The following MTMR7 variants were observed in gnomAD, a reference collection of about 807,000 sequenced individuals.
MTMR7 encodes phosphatidylinositol-3-phosphate phosphatase MTMR7.
In MTMR7, 76 loss-of-function variants were observed where a neutral mutation model predicts 81.2. The ratio of observed to expected loss-of-function variants is 0.94; its 90% CI spans 0.78 to 1.13. MTMR7 has a LOEUF of 1.13. MTMR7 is among the 50% of genes most tolerant of loss of function. The pLI, the probability that MTMR7 is intolerant of heterozygous loss-of-function variation, is 0.00. For synonymous variants in MTMR7, 372 were observed against 289.8 expected (o/e 1.28, Z -2.88); for missense variants, 1,044 against 820.0 (o/e 1.27, Z -3.34).
At chr8:17,363,632 C>T (rs1203558183) in intron 3 of MTMR7, among the ~76,000 whole-genome samples, 1 of 152,046 alleles carries the variant, frequency 6.6e-6, no homozygotes, top group Non-Finnish European at 1.5e-5. Context: ...ATCAACCAAT[C>T]CTTATGCCCA....
intron 9 of MTMR7, among the ~76,000 whole-genome samples, chr8:17,310,187 G>A (rs1817704210): frequency 6.6e-6 from 1 of 151,788 alleles, no homozygotes; most frequent in African/African-American, 2.4e-5. Flanking sequence ...TTTTTATAGA[G>A]ACGAGGTCTC....
At position 17,348,991 on chromosome 8, in the gene MTMR7, G is replaced by A. The variant is rs376531462; in HGVS notation, c.559C>T (p.Arg187Ter). The A allele has an allele frequency of 1.2e-5, 19 of 1,613,352 alleles. No homozygotes were observed. The highest frequency in any genetic ancestry group is 3.3e-5 in the South Asian group (3 of 91,022). ...TAATAGTAAGAAAGGACAGGAAATC[G>A]CCGTCTACTCCGGAATTTGGAACTC... ...VGSSKFRSRR[R>*]FPVLSYYYKD... Residue 187 changes from arginine (R) to a stop codon, truncating the protein, a stop_gained, in exon 5 of 14, where the codon CGA becomes TGA. Transcript: ENST00000180173. LOFTEE classifies it high-confidence loss of function.
At chr8:17,402,675 A>G (rs554157928) in intron 1 of MTMR7, among the ~76,000 whole-genome samples, 1 of 152,244 alleles carries the variant, frequency 6.6e-6, no homozygotes, top group South Asian at 2.1e-4. Flanking sequence ...ATGGCCACTT[A>G]GTTTGCTTCC....
intron 5 of MTMR7, among the ~76,000 whole-genome samples, chr8:17,342,555 C>T: frequency 6.6e-6 from 1 of 152,182 alleles, no homozygotes; most frequent in East Asian, 1.9e-4. Flanking sequence ...CCCAGGACAA[C>T]TGAACATGGG....
intron 9 of MTMR7, among the ~76,000 whole-genome samples, chr8:17,309,943 C>T (rs1200246385): frequency 1.3e-5 from 2 of 152,154 alleles, no homozygotes; most frequent in Non-Finnish European, 1.5e-5. Context: ...AAGTCTGAGG[C>T]AGTCCAGATT....
chr8:17,317,192 A>C (rs1353700475), intron 7 of MTMR7, among the ~76,000 whole-genome samples: 2 of 152,208 alleles, frequency 1.3e-5, no homozygotes, highest in East Asian at 1.9e-4. Context: ...GTTTTCTGCT[A>C]ATTTTTGCCT....
chr8:17,368,497 C>CCCTTAAAGGCATG (rs1356381928), intron 3 of MTMR7, among the ~76,000 whole-genome samples: 1 of 152,204 alleles, frequency 6.6e-6, no homozygotes, highest in Non-Finnish European at 1.5e-5. Flanking sequence ...TATTCTCATG[C>CCCTTAAAGGCATG]CCTTAAAGGC....
At position 17,297,892 on chromosome 8, in the gene MTMR7, T is replaced by A. The variant is rs1436122108; in HGVS notation, c.*1970A>T. 1 of 152,088 alleles carries A rather than the reference T, an allele frequency of 6.6e-6. No individual in the cohort carries two copies. Among genetic ancestry groups the A allele is most frequent in the Admixed American group, 6.6e-5 (1 of 15,264 alleles). 9.4% of individuals were successfully genotyped at this position (152,088 alleles called of 1,614,324 possible). A position where few individuals can be genotyped will look rare whatever the true frequency, so the allele number is the denominator to read the frequency against. ...TGTTACATAAATTATAATGTCTGTCTTGTAAAAAAGTTGAGGGGACTAAAA... is the reference window on the plus strand; with the variant it reads ...TGTTACATAAATTATAATGTCTGTCATGTAAAAAAGTTGAGGGGACTAAAA... On this transcript the variant is annotated 3_prime_UTR_variant, in exon 14 of 14. Transcript: ENST00000180173.
chr8:17,373,684 C>G (rs34371025), intron 1 of MTMR7, among the ~76,000 whole-genome samples: 13,598 of 152,164 alleles, frequency 0.089, 863 homozygotes, highest in Non-Finnish European at 0.14. Context: ...CCTTAAGGCT[C>G]TTTGCTTCCA....
At chr8:17,316,847 T>G (rs553832625) in intron 7 of MTMR7, among the ~76,000 whole-genome samples, 2 of 152,086 alleles carry the variant, frequency 1.3e-5, no homozygotes, top group African/African-American at 2.4e-5. Flanking sequence ...GTGTGTGGAT[T>G]TGAGAATCTA....
chr8:17,340,108 T>C (rs1819361000), intron 6 of MTMR7, among the ~76,000 whole-genome samples: 1 of 152,256 alleles, frequency 6.6e-6, no homozygotes, highest in Non-Finnish European at 1.5e-5. Flanking sequence ...TGCACCATGA[T>C]GCCCAGCTAA....
intron 2 of MTMR7, among the ~76,000 whole-genome samples, chr8:17,371,775 G>T (rs1048047360): frequency 2.0e-5 from 3 of 150,584 alleles, no homozygotes; most frequent in African/African-American, 7.3e-5. Context: ...ATGGGCTACA[G>T]TGTGATGCTG....
chr8:17,376,439 T>C (rs565855753), intron 1 of MTMR7, among the ~76,000 whole-genome samples: 1 of 152,352 alleles, frequency 6.6e-6, no homozygotes, highest in South Asian at 2.1e-4. Flanking sequence ...CTTTCATTTA[T>C]CTTGGCTATA....
intron 7 of MTMR7, among the ~76,000 whole-genome samples, chr8:17,328,999 G>C (rs1818847835): frequency 6.6e-6 from 1 of 152,202 alleles, no homozygotes; most frequent in Admixed American, 6.5e-5. Flanking sequence ...GAAATACCTT[G>C]CAGCTCTTGC....
chr8:17,317,696 G>A (rs1034298633), intron 7 of MTMR7, among the ~76,000 whole-genome samples: 9 of 152,150 alleles, frequency 5.9e-5, no homozygotes, highest in African/African-American at 1.7e-4. Flanking sequence ...GCTACTACTC[G>A]TTTCAGAGAT....
intron 10 of MTMR7, among the ~76,000 whole-genome samples, chr8:17,307,331 A>G (rs1372866890): frequency 6.6e-6 from 1 of 152,228 alleles, no homozygotes; most frequent in African/African-American, 2.4e-5. Flanking sequence ...CAAAACCACA[A>G]TGATACACCA....
At chr8:17,312,822 C>T (rs1817867732) in intron 8 of MTMR7, among the ~76,000 whole-genome samples, 1 of 152,044 alleles carries the variant, frequency 6.6e-6, no homozygotes, top group Admixed American at 6.6e-5. Flanking sequence ...AAAAACTGAA[C>T]AACACAAAAG....
intron 10 of MTMR7, among the ~76,000 whole-genome samples, chr8:17,308,326 C>G (rs1817599313): frequency 6.6e-6 from 1 of 152,092 alleles, no homozygotes; most frequent in Non-Finnish European, 1.5e-5. Flanking sequence ...GAACCCCAAA[C>G]TGAAAATAAT....
At chr8:17,339,415 G>A (rs181739182) in intron 6 of MTMR7, among the ~76,000 whole-genome samples, 174 of 152,112 alleles carry the variant, frequency 1.1e-3, no homozygotes, top group African/African-American at 3.8e-3. Context: ...ACCCATTAGC[G>A]GTCACTCACC....
Sources: gnomAD v4.1 joint callset for allele counts (sites outside exome capture counted in the v4.1 genomes callset) on GRCh38, gnomAD v4.1.1 for gene constraint, MANE v1.5 for transcripts, NCBI Gene and HGNC (gene_info 2026-07-23, HGNC 2026-07-21) for gene names.